SLIT2: variants seen among roughly 807,000 people sequenced by gnomAD.
SLIT2 encodes the protein slit guidance ligand 2.
In SLIT2, 41 loss-of-function variants were observed where a neutral mutation model predicts 185.7. The observed-to-expected ratio is 0.22, with a 90% CI of 0.17 to 0.29. The LOEUF is 0.29. Ranked by LOEUF, SLIT2 falls within the 10% of genes least tolerant of loss-of-function variation. SLIT2 has a pLI of 1.00. For synonymous variants in SLIT2, 693 were observed against 680.2 expected, an observed-to-expected ratio of 1.02 and a Z score of -0.29; for missense variants, 1,571 against 1,909.0, an observed-to-expected ratio of 0.82 and a Z score of 3.30.
intron 5 of SLIT2, 62 bp from the exon 6 acceptor site, chr4:20,480,654 T>C (rs2148777812): frequency 1.5e-6 from 2 of 1,314,132 alleles, no homozygotes; most frequent in Non-Finnish European, 2.2e-6. Context: ...AGGAAACTTC[T>C]CATCACCTAC....
At chr4:20,375,083 T>G (rs1390861987) in intron 4 of SLIT2, among the ~76,000 whole-genome samples, 3 of 152,148 alleles carry the variant, frequency 2.0e-5, no homozygotes, top group African/African-American at 7.2e-5. Flanking sequence ...TGTATGTGTA[T>G]AAGTGGATTT....
At chr4:20,335,922 T>C (rs533133539) in intron 4 of SLIT2, among the ~76,000 whole-genome samples, 1 of 35,906 alleles carries the variant, frequency 2.8e-5, no homozygotes, top group African/African-American at 1.7e-4. Context: ...GGTAATTTTA[T>C]AACAATGTGC....
At chr4:20,598,771 A>G (rs1728181286) in intron 33 of SLIT2, among the ~76,000 whole-genome samples, 2 of 152,172 alleles carry the variant, frequency 1.3e-5, no homozygotes, top group Non-Finnish European at 2.9e-5. Context: ...TCGACCTTTA[A>G]TAGACGTTTG....
chr4:20,369,735 C>A (rs555301575), intron 4 of SLIT2, among the ~76,000 whole-genome samples: 1 of 152,114 alleles, frequency 6.6e-6, no homozygotes, highest in South Asian at 2.1e-4. Flanking sequence ...TGGCATCATG[C>A]TGTATATAAA....
intron 25 of SLIT2, among the ~76,000 whole-genome samples, chr4:20,553,398 G>A (rs1458207981): frequency 6.6e-6 from 1 of 152,150 alleles, no homozygotes; most frequent in Admixed American, 6.6e-5. Context: ...TTCTTTGGAG[G>A]TAAGAATAAT....
rs1053194829 is a variant in SLIT2, at chr4:20,620,063, G to A, written c.*1054G>A. ...CACCTGCAGAGAGTATGCAAAGTCCGAGAGAGGAAAACAGAAATCTGTATG... is the reference window on the plus strand; with the variant it reads ...CACCTGCAGAGAGTATGCAAAGTCCAAGAGAGGAAAACAGAAATCTGTATG... On this transcript the variant is annotated 3_prime_UTR_variant, in exon 37 of 37. Coordinates refer to ENST00000504154, the MANE Select transcript of SLIT2 (RefSeq NM_004787.4). The A allele has an allele frequency of 1.3e-4, 26 of 203,684 alleles. No homozygotes were observed. The highest frequency in any genetic ancestry group is 4.4e-4 in the African/African-American group (19 of 42,752). The allele number at this position is 203,684 out of a possible 1,614,324, so 12.6% of individuals were successfully genotyped here.
intron 4 of SLIT2, among the ~76,000 whole-genome samples, chr4:20,335,854 A>G (rs771793333): frequency 2.6e-5 from 4 of 152,166 alleles, no homozygotes; most frequent in Non-Finnish European, 5.9e-5. Flanking sequence ...ACAATTAATA[A>G]TAATAACTAC....
intron 16 of SLIT2, among the ~76,000 whole-genome samples, chr4:20,531,390 C>T (rs552690039): frequency 1.6e-4 from 24 of 152,226 alleles, no homozygotes; most frequent in African/African-American, 5.8e-4. Flanking sequence ...TACATGATTC[C>T]GTTTATGCAA....
intron 4 of SLIT2, among the ~76,000 whole-genome samples, chr4:20,316,620 A>G (rs76781077): frequency 1.3e-5 from 2 of 151,838 alleles, no homozygotes; most frequent in Non-Finnish European, 2.9e-5. Context: ...ATCTCTGTGA[A>G]AGTATTGCCT....
chr4:20,588,179 T>C (rs999093767), intron 29 of SLIT2, among the ~76,000 whole-genome samples: 2 of 152,250 alleles, frequency 1.3e-5, no homozygotes, highest in African/African-American at 4.8e-5. Context: ...AAAAATCTTT[T>C]GTATCCCAGA....
chr4:20,400,852 T>G (rs1482874722), intron 4 of SLIT2, among the ~76,000 whole-genome samples: 1 of 151,780 alleles, frequency 6.6e-6, no homozygotes, highest in East Asian at 1.9e-4. Context: ...GAATTTCAGA[T>G]AAACATGTGG....
At chr4:20,374,058 T>TC in intron 4 of SLIT2, among the ~76,000 whole-genome samples, 1 of 152,240 alleles carries the variant, frequency 6.6e-6, no homozygotes, top group Non-Finnish European at 1.5e-5. Context: ...GAATCTTGGC[T>TC]CAGCCACTTT....
rs146778387 is a variant in SLIT2, at chr4:20,502,279, C to T, written c.915-8216C>T. 1.8e-3 allele frequency among the ~76,000 whole-genome samples: 267 copies of T among 152,280 alleles called. 3 individuals are homozygous for T. The East Asian group carries it at 0.041, about 24-fold the overall frequency. ...TTAAAATGGTAAGGACAGACAGAAA[C>T]TCCAACTGGTTTCTCTTCAAAAGTC... On this transcript the variant is annotated intron_variant, in intron 9 of 36. Transcript: ENST00000504154.
intron 4 of SLIT2, among the ~76,000 whole-genome samples, chr4:20,327,355 T>C (rs1198036743): frequency 6.6e-6 from 1 of 152,056 alleles, no homozygotes; most frequent in Admixed American, 6.6e-5. Context: ...AACCTCATAA[T>C]ACAGTGTAAA....
At chr4:20,453,411 A>G (rs1271621669) in intron 4 of SLIT2, among the ~76,000 whole-genome samples, 5 of 152,182 alleles carry the variant, frequency 3.3e-5, no homozygotes, top group Admixed American at 2.6e-4. Context: ...ATTTTAATGC[A>G]TCTCCCAAAA....
intron 4 of SLIT2, among the ~76,000 whole-genome samples, chr4:20,285,123 A>T (rs1715142664): frequency 6.6e-6 from 1 of 152,220 alleles, no homozygotes; most frequent in African/African-American, 2.4e-5. Context: ...ATAAAAGGCC[A>T]TTATCTTATC....
At chr4:20,283,394 G>T (rs183653501) in intron 4 of SLIT2, among the ~76,000 whole-genome samples, 3 of 152,188 alleles carry the variant, frequency 2.0e-5, no homozygotes, top group Admixed American at 2.0e-4. Flanking sequence ...ATGATTGGTG[G>T]ACTTTGAAGT....
chr4:20,403,976 T>C (rs1436002306), intron 4 of SLIT2, among the ~76,000 whole-genome samples: 1 of 151,708 alleles, frequency 6.6e-6, no homozygotes, highest in Non-Finnish European at 1.5e-5. Flanking sequence ...CATACAAACA[T>C]GAAATGTCAA....
chr4:20,582,414 C>T (rs1449083233), intron 29 of SLIT2, among the ~76,000 whole-genome samples: 1 of 152,152 alleles, frequency 6.6e-6, no homozygotes, highest in Admixed American at 6.6e-5. Context: ...TAGTAGTCCC[C>T]TCGTTATCTG....
Sources: gnomAD v4.1 joint callset for allele counts (sites outside exome capture counted in the v4.1 genomes callset) on GRCh38, gnomAD v4.1.1 for gene constraint, MANE v1.5 for transcripts, NCBI Gene and HGNC (gene_info 2026-07-23, HGNC 2026-07-21) for gene names.